NKTR: variants seen among roughly 807,000 people sequenced by gnomAD.
NKTR encodes the protein natural killer cell triggering receptor, also known as NK-tumor recognition protein.
A neutral mutation model predicts 156.3 loss-of-function variants in NKTR; 67 were observed. The ratio of observed to expected loss-of-function variants is 0.43; its 90% CI spans 0.35 to 0.53. The LOEUF (loss-of-function observed/expected upper bound fraction) is 0.53, where lower values mean the gene tolerates loss of function less well. Ranked by LOEUF, NKTR falls within the 20% of genes least tolerant of loss-of-function variation. The pLI, the probability that NKTR is intolerant of heterozygous loss-of-function variation, is 0.01. For synonymous variants in NKTR, 640 were observed against 596.6 expected (o/e 1.07, Z -1.06); for missense variants, 1,604 against 1,730.9 (o/e 0.93, Z 1.30).
At chr3:42,617,752 T>G in intron 3 of NKTR, 108 bp downstream of exon 3, 1 of 578,366 alleles carries the variant, frequency 1.7e-6, no homozygotes. Flanking sequence ...ATTAGTTTTG[T>G]GAATTAAAAA....
chr3:42,636,870 T>TA lies in NKTR; in HGVS notation c.1168dup (p.Ser390LysfsTer2). ...TGAATATTATGTCCTTTCTATAGGT[T>TA]AAGTGACCCCTGTTCAAGCCGATGG... On this transcript the variant is annotated frameshift_variant, in exon 13 of 17. Transcript: ENST00000232978. LOFTEE classifies it high-confidence loss of function. The TA allele has an allele frequency of 6.4e-7, 1 of 1,558,120 alleles. No homozygotes were observed. Among genetic ancestry groups the TA allele is most frequent in the Non-Finnish European group, 8.6e-7 (1 of 1,159,620 alleles).
chr3:42,624,456 A>G (rs1203024692), intron 6 of NKTR, among the ~76,000 whole-genome samples: 1 of 152,052 alleles, frequency 6.6e-6, no homozygotes, highest in Non-Finnish European at 1.5e-5. Flanking sequence ...TTTTTAGGTT[A>G]AAGAATAGGA....
At chr3:42,607,955 A>C in intron 2 of NKTR, among the ~76,000 whole-genome samples, 1 of 121,506 alleles carries the variant, frequency 8.2e-6, no homozygotes, top group African/African-American at 3.1e-5. Context: ...GCCAATCGCA[A>C]GTCCTGAGTC....
intron 6 of NKTR, chr3:42,629,063 A>G: frequency 1.1e-6 from 1 of 929,888 alleles, no homozygotes; most frequent in Non-Finnish European, 1.3e-6. Context: ...TAGAGTCACT[A>G]GCTTCTGTAC....
At chr3:42,626,150 T>C (rs904568087) in intron 6 of NKTR, among the ~76,000 whole-genome samples, 3 of 149,126 alleles carry the variant, frequency 2.0e-5, no homozygotes, top group African/African-American at 7.7e-5. Flanking sequence ...TGTACTACTT[T>C]ACACCTACAG....
intron 6 of NKTR, among the ~76,000 whole-genome samples, chr3:42,623,573 A>C (rs1163165168): frequency 6.6e-6 from 1 of 152,130 alleles, no homozygotes; most frequent in Admixed American, 6.5e-5. Context: ...GATAGGTAAA[A>C]ATGGAGATGG....
chr3:42,601,302 A>C (rs1279425975), intron 2 of NKTR: 5 of 373,314 alleles, frequency 1.3e-5, no homozygotes, highest in African/African-American at 2.1e-5. Context: ...CTCCGGACTG[A>C]GTCCTCGTAG....
intron 6 of NKTR, among the ~76,000 whole-genome samples, chr3:42,622,609 TA>T (rs1260802310): frequency 1.3e-4 from 20 of 152,050 alleles, no homozygotes; most frequent in African/African-American, 4.6e-4. Context: ...GGAAAGCTGA[TA>T]AAAGATTATG....
In NKTR at chr3:42,632,975, G is replaced by A. The variant is rs1709054212; in HGVS notation, c.773+152G>A. ...AAATTGAAATCTGGCAAATCTAGGAGTAGGTAGCATAGGCATTTCATTTCA... is the reference window on the plus strand; with the variant it reads ...AAATTGAAATCTGGCAAATCTAGGAATAGGTAGCATAGGCATTTCATTTCA... On this transcript the variant is annotated intron_variant, in intron 9 of 16. Coordinates refer to ENST00000232978, the MANE Select transcript of NKTR (RefSeq NM_005385.4). 6 of 1,323,450 alleles carry A rather than the reference G, an allele frequency of 4.5e-6. No homozygotes were observed. In the East Asian group the frequency reaches 8.7e-5, roughly 19 times the overall value. 82.0% of individuals were successfully genotyped at this position (1,323,450 alleles called of 1,614,324 possible).
chr3:42,643,488 C>G, intron 15 of NKTR, 93 bp downstream of exon 15: 1 of 1,010,742 alleles, frequency 9.9e-7, no homozygotes. Context: ...TATTGAGTAA[C>G]TAAATGCATA....
intron 5 of NKTR, chr3:42,620,818 T>A: frequency 1.0e-6 from 1 of 985,206 alleles, no homozygotes; most frequent in Middle Eastern, 5.2e-4. Flanking sequence ...TGGCAGATAC[T>A]TTTGTACCTT....
chr3:42,619,630 T>TTCA (rs1338748873), intron 4 of NKTR, 34 bp from the exon 5 acceptor site: 1 of 1,604,080 alleles, frequency 6.2e-7, no homozygotes. Context: ...ATTTTTAATG[T>TTCA]TCATTATGGC....
rs1036573659 is a variant in NKTR, at chr3:42,609,298, A to G, written c.58+8234A>G. Among the ~76,000 whole-genome samples, 3 of 152,216 alleles carry G rather than the reference A, an allele frequency of 2.0e-5. No individual in the cohort carries two copies. The South Asian group carries it at 6.2e-4, about 32-fold the overall frequency. ...TAATGTTTCATGTTATGCCACAGCT[A>G]TGGAGTAGATGATAATCACTATTAA... On this transcript the variant is annotated intron_variant, in intron 2 of 16. Transcript: ENST00000232978.
rs148038168 is a variant in NKTR at position 42,639,561 on chromosome 3, G to A, written c.3857G>A (p.Arg1286His). 1.5e-3 allele frequency: 2,355 copies of A among 1,614,172 alleles called. 5 individuals carry two copies. Among genetic ancestry groups the A allele is most frequent in the Non-Finnish European group, 1.7e-3 (2,025 of 1,180,012 alleles). ...TTTGATGAAGTAAGAAAGACAGCAC[G>A]CTTAAACCGTAGACCAAGAAATCAG... is the stretch of plus-strand genomic sequence containing the variant. The part of the protein sequence containing the change: ...SLFDEVRKTA[R>H]LNRRPRNQES... The change falls in exon 13 of 17, where the codon CGC becomes CAC. Residue 1286 changes from arginine to histidine, a missense_variant. Transcript: ENST00000232978.
chr3:42,646,002 AT>A lies in NKTR; in HGVS notation c.*30del. The A allele has an allele frequency of 1.3e-6, 2 of 1,511,322 alleles. No homozygotes were observed. The highest frequency in any genetic ancestry group is 1.8e-6 in the Non-Finnish European group (2 of 1,089,010). The allele number at this position is 1,511,322 out of a possible 1,614,324, so 93.6% of individuals were successfully genotyped here. On this transcript the variant is annotated 3_prime_UTR_variant, in exon 17 of 17. Transcript: ENST00000232978. ...AACGTCCGGATACAAATTATATCTTATTTGTAAATATCTGGCAACTTAGCTT... is the reference window on the plus strand; with the variant it reads ...AACGTCCGGATACAAATTATATCTTATTGTAAATATCTGGCAACTTAGCTT...
At chr3:42,630,013 A>G in intron 6 of NKTR, 4 of 985,472 alleles carry the variant, frequency 4.1e-6, no homozygotes, top group Non-Finnish European at 4.8e-6. Context: ...ATGGGCAGGA[A>G]TTCTGGAAAC....
chr3:42,630,703 T>G (rs1245242499), intron 7 of NKTR, 128 bp downstream of exon 7: 1 of 1,489,928 alleles, frequency 6.7e-7, no homozygotes, highest in Non-Finnish European at 8.9e-7. Flanking sequence ...CAAAAGCTAT[T>G]CCTTAGGATC....
rs1486733592 is a variant in NKTR at position 42,619,660 on chromosome 3, G to C, written c.242-4G>C. On this transcript the variant is annotated splice_polypyrimidine_tract_variant and splice_region_variant and intron_variant, in intron 4 of 16. Coordinates refer to ENST00000232978, the MANE Select transcript of NKTR (RefSeq NM_005385.4). ...TATGGCTTAAAGTAGGTGATTATTTGCAGGTAATGGAAAAGGTGGAGAATC... is the reference window on the plus strand; with the variant it reads ...TATGGCTTAAAGTAGGTGATTATTTCCAGGTAATGGAAAAGGTGGAGAATC... 1 of 1,603,582 alleles carries C rather than the reference G, an allele frequency of 6.2e-7. No individual in the cohort carries two copies. The highest frequency in any genetic ancestry group is 1.3e-5 in the African/African-American group (1 of 74,616).
In NKTR at chr3:42,644,023, C is replaced by T. The variant is rs375188165; in HGVS notation, c.4301+20C>T. 48 of 1,568,838 alleles carry T rather than the reference C, an allele frequency of 3.1e-5. No individual in the cohort carries two copies. The African/African-American group carries it at 4.1e-4, about 13-fold the overall frequency. On this transcript the variant is annotated intron_variant, in intron 16 of 16. Coordinates refer to ENST00000232978, the MANE Select transcript of NKTR (RefSeq NM_005385.4). ...GTCCAGGTGGGTCTCTCTCCTTTAT[C>T]GTCCTTTATCGCACTGTAGGCCACG...
Sources: allele counts gnomAD v4.1 joint callset (sites outside exome capture counted in the v4.1 genomes callset), GRCh38; gene constraint gnomAD v4.1.1; transcripts MANE v1.5; gene names NCBI Gene and HGNC (gene_info 2026-07-23, HGNC 2026-07-21).